The following NAB1 variants were observed in gnomAD, a reference collection of about 807,000 sequenced individuals.
The protein encoded by NAB1 is NGFI-A-binding protein 1.
A neutral mutation model predicts 49.9 loss-of-function variants in NAB1; 25 were observed. That is an observed-to-expected ratio of 0.50 (90% CI 0.37 to 0.70). NAB1 has a LOEUF of 0.70. NAB1 is among the 30% of genes least tolerant of loss of function. The probability of loss-of-function intolerance (pLI) is 0.00; values close to 1 mark genes in which losing one functional copy is unlikely to be tolerated. For missense variants in NAB1, 489 were observed against 575.9 expected, an observed-to-expected ratio of 0.85 and a Z score of 1.54; for synonymous variants, 198 against 215.6, an observed-to-expected ratio of 0.92 and a Z score of 0.71.
intron 2 of NAB1, among the ~76,000 whole-genome samples, chr2:190,650,715 TA>T (rs1693619239): frequency 6.6e-6 from 1 of 152,218 alleles, no homozygotes; most frequent in South Asian, 2.1e-4. Flanking sequence ...TGAGTGCCAG[TA>T]AAAGTGGCTC....
At chr2:190,673,061 T>C in intron 5 of NAB1, 40 bp from the exon 6 acceptor site, 1 of 1,573,086 alleles carries the variant, frequency 6.4e-7, no homozygotes, top group Non-Finnish European at 8.6e-7. Flanking sequence ...TCAGTTACTT[T>C]CTCAAGTTTT....
rs1559260913 is a variant in NAB1, at chr2:190,691,797, TA to T, written c.*1466del. On this transcript the variant is annotated 3_prime_UTR_variant, in exon 10 of 10. Transcript: ENST00000337386. This position sits in a 1 kb window ranked among gnomAD's most constrained non-coding sequence, Gnocchi z 4.1. Reference sequence around the variant, plus strand: ...TTGTTTTTAGTTCTGCTCTAGATCATAATTGTAAAAAATATTAAGTCATAAT... The same window carrying T: ...TTGTTTTTAGTTCTGCTCTAGATCATATTGTAAAAAATATTAAGTCATAAT... 6.6e-6 allele frequency: 1 copy of T among 152,182 alleles called. No homozygotes were observed. The highest frequency in any genetic ancestry group is 1.5e-5 in the Non-Finnish European group (1 of 68,002). The allele number at this position is 152,182 out of a possible 1,614,324, so 9.4% of individuals were successfully genotyped here.
chr2:190,661,484 A>C (rs1395791023), intron 4 of NAB1, among the ~76,000 whole-genome samples: 1 of 152,212 alleles, frequency 6.6e-6, no homozygotes, highest in African/African-American at 2.4e-5. Flanking sequence ...ATAGCAGATG[A>C]AATACAAAGT....
Position 190,691,643 on chromosome 2 carries a change from A to G in NAB1, c.*1310A>G, listed in dbSNP as rs1695936817. 6.6e-6 allele frequency: 1 copy of G among 152,156 alleles called. No individual in the cohort carries two copies. The highest frequency in any genetic ancestry group is 2.4e-5 in the African/African-American group (1 of 41,454). 9.4% of individuals were successfully genotyped at this position (152,156 alleles called of 1,614,324 possible). A position where few individuals can be genotyped will look rare whatever the true frequency, so the allele number is the denominator to read the frequency against. On this transcript the variant is annotated 3_prime_UTR_variant, in exon 10 of 10. Transcript: ENST00000337386. The surrounding 1 kb of genome is among the most constrained non-coding windows in gnomAD (Gnocchi z 4.1). ...ATGGTAAAACAACATACATCTGCCA[A>G]TATACGTTTTTTCTGTTGGTTTAAG...
rs1346742083 is a variant in NAB1 at position 190,674,441 on chromosome 2, T to G, written c.1005+1289T>G. On this transcript the variant is annotated intron_variant, in intron 6 of 9. Coordinates refer to ENST00000337386, the MANE Select transcript of NAB1 (RefSeq NM_005966.4). The surrounding 1 kb of genome is among the most constrained non-coding windows in gnomAD (Gnocchi z 5.7). ...CCTCCCTTTCTAAAGGGGCACCCTCTCCCCAAAATCACACTCAGGCTTATT... is the reference window on the plus strand; with the variant it reads ...CCTCCCTTTCTAAAGGGGCACCCTCGCCCCAAAATCACACTCAGGCTTATT... 1.3e-5 allele frequency among the ~76,000 whole-genome samples: 2 copies of G among 151,908 alleles called. No homozygotes were observed. The highest frequency in any genetic ancestry group is 6.6e-5 in the Admixed American group (1 of 15,252).
Position 190,663,305 on chromosome 2 carries a change from G to T in NAB1, c.819+3310G>T, listed in dbSNP as rs1694318113. Reference sequence around the variant, plus strand: ...TAAGACCTAATATTGACCTAATATTGATTGTACACTTATCTCTCCTTAGCT... The same window carrying T: ...TAAGACCTAATATTGACCTAATATTTATTGTACACTTATCTCTCCTTAGCT... On this transcript the variant is annotated intron_variant, in intron 4 of 9. Coordinates refer to ENST00000337386, the MANE Select transcript of NAB1 (RefSeq NM_005966.4). The surrounding 1 kb of genome is among the most constrained non-coding windows in gnomAD (Gnocchi z 4.2). Among the ~76,000 whole-genome samples, 1 of 152,094 alleles carries T rather than the reference G, an allele frequency of 6.6e-6. No homozygotes were observed. Among genetic ancestry groups the T allele is most frequent in the Non-Finnish European group, 1.5e-5 (1 of 68,026 alleles).
Position 190,669,326 on chromosome 2 carries a change from A to G in NAB1, c.820-1000A>G, listed in dbSNP as rs77507158. Among the ~76,000 whole-genome samples, 615 of 152,336 alleles carry G rather than the reference A, an allele frequency of 4.0e-3. 11 individuals carry two copies. In the East Asian group the frequency reaches 0.046, roughly 11 times the overall value. On this transcript the variant is annotated intron_variant, in intron 4 of 9. Transcript: ENST00000337386. The surrounding 1 kb of genome is among the most constrained non-coding windows in gnomAD (Gnocchi z 4.3). ...GTACCTGATTTCTTATGAAAAGAAA[A>G]CAAGAATTAACACTAACCACAACCT...
intron 4 of NAB1, among the ~76,000 whole-genome samples, chr2:190,664,314 C>T (rs761817664): frequency 2.0e-5 from 3 of 150,436 alleles, no homozygotes; most frequent in African/African-American, 4.9e-5. Context: ...CATGAGCTCT[C>T]TTTTTGTTAG....
chr2:190,668,192 A>T (rs1251011251), intron 4 of NAB1, among the ~76,000 whole-genome samples: 2 of 152,164 alleles, frequency 1.3e-5, no homozygotes, highest in African/African-American at 4.8e-5. Context: ...AGTTAGGTGG[A>T]ATGTATAAAT....
In NAB1 at chr2:190,649,628, G is replaced by T. The variant is rs1401695187; in HGVS notation, c.-333-218G>T. Among the ~76,000 whole-genome samples the T allele has an allele frequency of 1.3e-5, 2 of 152,074 alleles. No individual in the cohort carries two copies. Among genetic ancestry groups the T allele is most frequent in the African/African-American group, 4.8e-5 (2 of 41,410 alleles). On this transcript the variant is annotated intron_variant, in intron 1 of 9. Transcript: ENST00000337386. This position sits in a 1 kb window ranked among gnomAD's most constrained non-coding sequence, Gnocchi z 6.1. ...ACTCGTGCATTTTCCCTCCGAGAAA[G>T]GTTGGGGTGCCGAGTCCGTTTTGCT...
At chr2:190,665,761 A>G (rs1483149929) in intron 4 of NAB1, among the ~76,000 whole-genome samples, 1 of 152,206 alleles carries the variant, frequency 6.6e-6, no homozygotes, top group Non-Finnish European at 1.5e-5. Context: ...TGAAATCTTA[A>G]GAGAGTATCT....
At chr2:190,668,631 C>T (rs13406868) in intron 4 of NAB1, among the ~76,000 whole-genome samples, 29,075 of 152,008 alleles carry the variant, frequency 0.19, 3,315 homozygotes, top group East Asian at 0.41. Flanking sequence ...TATATGTACA[C>T]TGAAATATTG....
At position 190,667,701 on chromosome 2, in the gene NAB1, TAC is replaced by T. The variant is rs1331211582; in HGVS notation, c.820-2623_820-2622del. 6.6e-6 allele frequency among the ~76,000 whole-genome samples: 1 copy of T among 152,154 alleles called. No individual in the cohort carries two copies. The highest frequency in any genetic ancestry group is 2.4e-5 in the African/African-American group (1 of 41,430). ...TGTCTCAGAACAAATTAATATAAAT[TAC>T]AGTTATAAATTTGGGGAGGAGGATG... On this transcript the variant is annotated intron_variant, in intron 4 of 9. Transcript: ENST00000337386. The surrounding 1 kb of genome is among the most constrained non-coding windows in gnomAD (Gnocchi z 4.4).
At position 190,691,649 on chromosome 2, in the gene NAB1, G is replaced by A. The variant is rs535708594; in HGVS notation, c.*1316G>A. ...AAACAACATACATCTGCCAATATAC[G>A]TTTTTTCTGTTGGTTTAAGAGAAGA... On this transcript the variant is annotated 3_prime_UTR_variant, in exon 10 of 10. Transcript: ENST00000337386. This position sits in a 1 kb window ranked among gnomAD's most constrained non-coding sequence, Gnocchi z 4.1. 1.9e-4 allele frequency: 29 copies of A among 152,174 alleles called. No homozygotes were observed. The highest frequency in any genetic ancestry group is 9.8e-4 in the Admixed American group (15 of 15,292). The allele number at this position is 152,174 out of a possible 1,614,324, so 9.4% of individuals were successfully genotyped here. A position where few individuals can be genotyped will look rare whatever the true frequency, so the allele number is the denominator to read the frequency against.
rs1314916872 is a variant in NAB1, at chr2:190,676,744, A to T, written c.1005+3592A>T. Among the ~76,000 whole-genome samples the T allele has an allele frequency of 6.6e-6, 1 of 152,254 alleles. No individual in the cohort carries two copies. Among genetic ancestry groups the T allele is most frequent in the East Asian group, 1.9e-4 (1 of 5,206 alleles). On this transcript the variant is annotated intron_variant, in intron 6 of 9. Transcript: ENST00000337386. This position sits in a 1 kb window ranked among gnomAD's most constrained non-coding sequence, Gnocchi z 4.6. ...TAAACTTAAGCTTAGCCCATTTTAT[A>T]GTGTAACAGATTTCTAATTACAAGG...
At chr2:190,671,212 C>G (rs563398350) in intron 5 of NAB1, among the ~76,000 whole-genome samples, 2 of 152,198 alleles carry the variant, frequency 1.3e-5, no homozygotes, top group East Asian at 3.9e-4. Context: ...AATTCACATT[C>G]TGAGCACCCT....
rs763347973 is a variant in NAB1 at position 190,688,762 on chromosome 2, TTTTC to T, written c.1375+1456_1375+1459del. 7.9e-5 allele frequency among the ~76,000 whole-genome samples: 12 copies of T among 152,096 alleles called. No individual in the cohort carries two copies. In the East Asian group the frequency reaches 1.2e-3, roughly 15 times the overall value. On this transcript the variant is annotated intron_variant, in intron 9 of 9. Transcript: ENST00000337386. ...CCTGAAAAAGCGTCTTTCTTTCTCT[TTTTC>T]TTTCTTTCTTCCTTTCCTTTCTTTC...
Position 190,691,646 on chromosome 2 carries a change from TAC to T in NAB1, c.*1314_*1315del, listed in dbSNP as rs1481144024. 6.6e-6 allele frequency: 1 copy of T among 152,172 alleles called. No homozygotes were observed. Among genetic ancestry groups the T allele is most frequent in the Non-Finnish European group, 1.5e-5 (1 of 67,996 alleles). The allele number at this position is 152,172 out of a possible 1,614,324, so 9.4% of individuals were successfully genotyped here. The stretch of plus-strand genomic sequence containing the variant: ...GTAAAACAACATACATCTGCCAATA[TAC>T]GTTTTTTCTGTTGGTTTAAGAGAAG... On this transcript the variant is annotated 3_prime_UTR_variant, in exon 10 of 10. Coordinates refer to ENST00000337386, the MANE Select transcript of NAB1 (RefSeq NM_005966.4). The surrounding 1 kb of genome is among the most constrained non-coding windows in gnomAD (Gnocchi z 4.1).
In NAB1 at chr2:190,685,650, GAATA is replaced by G; in HGVS notation, c.1258+13_1258+16del. 1.3e-6 allele frequency: 2 copies of G among 1,590,464 alleles called. No homozygotes were observed. The highest frequency in any genetic ancestry group is 8.6e-7 in the Non-Finnish European group (1 of 1,168,784). On this transcript the variant is annotated intron_variant, in intron 8 of 9. Transcript: ENST00000337386. This position sits in a 1 kb window ranked among gnomAD's most constrained non-coding sequence, Gnocchi z 4.5. ...CTCAGATGGACAAGGTACATCTTTA[GAATA>G]TCCTATGCCTTTAGGGCCACTATGT...
Sources: gnomAD v4.1 joint callset for allele counts (sites outside exome capture counted in the v4.1 genomes callset) on GRCh38, gnomAD v4.1.1 for gene constraint, Gnocchi (gnomAD v3.1) non-coding constraint, MANE v1.5 for transcripts, NCBI Gene and HGNC (gene_info 2026-07-23, HGNC 2026-07-21) for gene names.